Variants in ZFHX3 observed in about 807,000 individuals in gnomAD.
The protein encoded by ZFHX3 is zinc finger homeobox protein 3.
Under a neutral mutation model 279.1 loss-of-function variants are expected in ZFHX3, and 42 were observed. The ratio of observed to expected loss-of-function variants is 0.15; its 90% CI spans 0.12 to 0.19. The LOEUF (loss-of-function observed/expected upper bound fraction) is 0.19, where lower values mean the gene tolerates loss of function less well. Ranked by LOEUF, ZFHX3 falls within the 10% of genes least tolerant of loss-of-function variation. The pLI, the probability that ZFHX3 is intolerant of heterozygous loss-of-function variation, is 1.00. For missense variants in ZFHX3, 4,981 were observed against 4,754.0 expected (o/e 1.05, Z -1.40); for synonymous variants, 2,293 against 1,957.8 (o/e 1.17, Z -4.52).
At chr16:73,423,376 C>A (rs1362415961) in intron 3 of ZFHX3, among the ~76,000 whole-genome samples, 1 of 152,178 alleles carries the variant, frequency 6.6e-6, no homozygotes, top group African/African-American at 2.4e-5. Flanking sequence ...GTTGCCTCAA[C>A]TCCCAGTTCC....
chr16:73,093,135 C>T (rs1966109705), intron 8 of ZFHX3: 4 of 519,956 alleles, frequency 7.7e-6, no homozygotes, highest in African/African-American at 5.8e-5. Flanking sequence ...AAGAACAACC[C>T]CGACAGCTGC....
intron 3 of ZFHX3, among the ~76,000 whole-genome samples, chr16:72,922,440 T>C (rs1462821225): frequency 2.0e-5 from 3 of 152,316 alleles, no homozygotes; most frequent in African/African-American, 4.8e-5. Flanking sequence ...CCACCCATTA[T>C]GCCAGTGTCA....
chr16:73,480,492 G>T (rs2018846521), intron 2 of ZFHX3, among the ~76,000 whole-genome samples: 1 of 152,166 alleles, frequency 6.6e-6, no homozygotes, highest in East Asian at 1.9e-4. Context: ...AGGACGAAAA[G>T]TTCCTGGGTG....
At chr16:73,420,905 A>G (rs1190712256) in intron 3 of ZFHX3, 1 of 152,052 alleles carries the variant, frequency 6.6e-6, no homozygotes, top group Non-Finnish European at 1.5e-5. Context: ...TTATCTTTGT[A>G]TTTTTTTCCC....
intron 1 of ZFHX3, among the ~76,000 whole-genome samples, chr16:73,856,010 T>C (rs1178340606): frequency 1.3e-5 from 2 of 152,190 alleles, no homozygotes; most frequent in East Asian, 1.9e-4. Context: ...ATCCATGCTG[T>C]GGAGCCACTA....
At chr16:73,427,362 TAGG>T (rs913357444) in intron 3 of ZFHX3, among the ~76,000 whole-genome samples, 1 of 152,124 alleles carries the variant, frequency 6.6e-6, no homozygotes, top group African/African-American at 2.4e-5. Context: ...GGGGATTTGC[TAGG>T]AGGTGGAGCT....
intron 4 of ZFHX3, among the ~76,000 whole-genome samples, chr16:72,845,320 G>A (rs376773756): frequency 6.6e-6 from 1 of 152,204 alleles, no homozygotes; most frequent in African/African-American, 2.4e-5. Flanking sequence ...GCTGCAGCCC[G>A]GCCTGTGATG....
chr16:73,442,249 T>C (rs1367071561), intron 3 of ZFHX3, among the ~76,000 whole-genome samples: 1 of 152,160 alleles, frequency 6.6e-6, no homozygotes, highest in Non-Finnish European at 1.5e-5. Context: ...GAGATCAAGG[T>C]GTTGGCAGGG....
chr16:73,549,707 T>C (rs532581472), intron 2 of ZFHX3, among the ~76,000 whole-genome samples: 17 of 152,278 alleles, frequency 1.1e-4, no homozygotes, highest in African/African-American at 3.4e-4. Flanking sequence ...ACACAGAAAA[T>C]GCCCCGGGTC....
At chr16:73,003,434 T>C (rs1963569507) in intron 1 of ZFHX3, among the ~76,000 whole-genome samples, 1 of 151,096 alleles carries the variant, frequency 6.6e-6, no homozygotes, top group African/African-American at 2.4e-5. Flanking sequence ...ACACCTATAA[T>C]CCCAGCACTT....
At chr16:73,294,729 T>C (rs2014863648) in intron 4 of ZFHX3, among the ~76,000 whole-genome samples, 1 of 151,596 alleles carries the variant, frequency 6.6e-6, no homozygotes, top group African/African-American at 2.4e-5. Flanking sequence ...GGAGAATCAC[T>C]TGAACCCGGG....
At chr16:73,514,774 G>T (rs1344806840) in intron 2 of ZFHX3, among the ~76,000 whole-genome samples, 3 of 152,118 alleles carry the variant, frequency 2.0e-5, no homozygotes, top group African/African-American at 7.2e-5. Context: ...AAAGTCCAAG[G>T]AGGAAGGCTG....
chr16:72,784,697 A>ATGTT lies in ZFHX3; in HGVS notation c.*2463_*2466dup, dbSNP rs1203513112. ...AGGAAATAGCTTGTTAAAACAGTAA[A>ATGTT]TGTTTTGCGTACTTGCTTTTGACAC... On this transcript the variant is annotated 3_prime_UTR_variant, in exon 10 of 10. Transcript: ENST00000268489. The ATGTT allele has an allele frequency of 6.6e-6, 1 of 152,536 alleles. No homozygotes were observed. Among genetic ancestry groups the ATGTT allele is most frequent in the African/African-American group, 2.4e-5 (1 of 41,442 alleles). The allele number at this position is 152,536 out of a possible 1,614,324, so 9.4% of individuals were successfully genotyped here.
At chr16:73,014,140 G>A (rs1028630254) in intron 1 of ZFHX3, among the ~76,000 whole-genome samples, 2 of 152,140 alleles carry the variant, frequency 1.3e-5, no homozygotes, top group African/African-American at 4.8e-5. Flanking sequence ...CATCAACCCA[G>A]AAATGTGGGG....
intron 1 of ZFHX3, among the ~76,000 whole-genome samples, chr16:72,997,325 TG>T (rs1275206263): frequency 9.2e-5 from 14 of 152,190 alleles, no homozygotes; most frequent in Admixed American, 9.2e-4. Flanking sequence ...CAGACGTCTC[TG>T]TTTGAGCAAC....
chr16:73,873,169 T>G (rs1369812183), intron 1 of ZFHX3, among the ~76,000 whole-genome samples: 3 of 43,448 alleles, frequency 6.9e-5, no homozygotes, highest in East Asian at 7.0e-4. Flanking sequence ...TGGGTGGTGG[T>G]GGGTGGTGGG....
chr16:73,643,696 G>A (rs1413278902), intron 2 of ZFHX3, among the ~76,000 whole-genome samples: 1 of 152,086 alleles, frequency 6.6e-6, no homozygotes, highest in African/African-American at 2.4e-5. Context: ...TAAAGTTGAG[G>A]GAGTGTTTCT....
chr16:73,287,623 G>T (rs2014656422), intron 4 of ZFHX3, among the ~76,000 whole-genome samples: 1 of 148,562 alleles, frequency 6.7e-6, no homozygotes, highest in African/African-American at 2.5e-5. Flanking sequence ...TCAGTGTGTG[G>T]CTGTGTGGAT....
At chr16:73,597,449 G>A (rs866672826) in intron 2 of ZFHX3, among the ~76,000 whole-genome samples, 7 of 152,220 alleles carry the variant, frequency 4.6e-5, no homozygotes, top group East Asian at 1.9e-4. Flanking sequence ...ACTAAAATTC[G>A]TGTCCACCCA....
Sources: allele counts gnomAD v4.1 joint callset (sites outside exome capture counted in the v4.1 genomes callset), GRCh38; gene constraint gnomAD v4.1.1; transcripts MANE v1.5; gene names NCBI Gene and HGNC (gene_info 2026-07-23, HGNC 2026-07-21).